The following ACSBG1 variants were observed in gnomAD, a reference collection of about 807,000 sequenced individuals.
ACSBG1 encodes the protein acyl-CoA synthetase bubblegum family member 1, also known as long-chain-fatty-acid--CoA ligase ACSBG1.
ACSBG1 carries 39 observed loss-of-function variants against 80.2 expected under a neutral mutation model. That is an observed-to-expected ratio of 0.49 (90% CI 0.38 to 0.64). ACSBG1 has a LOEUF of 0.64. Ranked by LOEUF, ACSBG1 falls within the 30% of genes least tolerant of loss-of-function variation. The pLI is 0.00. For synonymous variants in ACSBG1, 392 were observed against 379.5 expected (o/e 1.03, Z -0.38); for missense variants, 828 against 966.4 (o/e 0.86, Z 1.90).
chr15:78,234,439 G>A lies in ACSBG1; in HGVS notation c.63C>T (p.Ser21=). The A allele has an allele frequency of 1.2e-6, 2 of 1,613,152 alleles. No homozygotes were observed. Among genetic ancestry groups the A allele is most frequent in the African/African-American group, 1.3e-5 (1 of 75,050 alleles). Residue 21 remains serine (S), a synonymous_variant, in exon 1 of 14, where the codon AGC becomes AGT. Transcript: ENST00000258873. ...GCCGGCTCTCCTGTGGGGTCTCTCT[G>A]CTGTCCAGCATGCTGGGGTCCCCGT... ...CPHGDPSMLD[S]RETPQESRQD...
Position 78,182,621 on chromosome 15 carries a change from G to A in ACSBG1, c.745-6C>T, listed in dbSNP as rs775007573. The A allele has an allele frequency of 5.6e-6, 9 of 1,613,830 alleles. No homozygotes were observed. The highest frequency in any genetic ancestry group is 7.6e-6 in the Non-Finnish European group (9 of 1,179,878). On this transcript the variant is annotated splice_region_variant and splice_polypyrimidine_tract_variant and intron_variant, in intron 6 of 13. Coordinates refer to ENST00000258873, the MANE Select transcript of ACSBG1 (RefSeq NM_015162.5). The stretch of plus-strand genomic sequence containing the variant: ...AGCTCCATGAATTCCTCCATCTGTA[G>A]CCAGATGCAGGGAGCAGGCAGGCTA...
chr15:78,191,009 C>T (rs1417389702), intron 5 of ACSBG1, among the ~76,000 whole-genome samples: 1 of 152,132 alleles, frequency 6.6e-6, no homozygotes, highest in African/African-American at 2.4e-5. Flanking sequence ...TATGTGCTGT[C>T]TACAAGAAAC....
intron 5 of ACSBG1, among the ~76,000 whole-genome samples, chr15:78,187,531 A>G (rs1282571658): frequency 6.6e-6 from 1 of 152,256 alleles, no homozygotes; most frequent in Non-Finnish European, 1.5e-5. Context: ...TATGCAAATC[A>G]ATAAATGTAA....
rs2074879089 is a variant in ACSBG1 at position 78,176,019 on chromosome 15, A to G, written c.1703-1495T>C. Among the ~76,000 whole-genome samples, 5 of 152,166 alleles carry G rather than the reference A, an allele frequency of 3.3e-5. No individual in the cohort carries two copies. In the South Asian group the frequency reaches 1.0e-3, roughly 32 times the overall value. On this transcript the variant is annotated intron_variant, in intron 11 of 13. Transcript: ENST00000258873. ...GCTAGAAAGGAACTTCTTTAATCAGATAAGGAACATCTAAAAATTTTTACA... is the reference window on the plus strand; with the variant it reads ...GCTAGAAAGGAACTTCTTTAATCAGGTAAGGAACATCTAAAAATTTTTACA...
chr15:78,208,702 A>G (rs1232189960), intron 1 of ACSBG1, among the ~76,000 whole-genome samples: 1 of 152,130 alleles, frequency 6.6e-6, no homozygotes, highest in Non-Finnish European at 1.5e-5. Flanking sequence ...ACAGACATAG[A>G]CGGGTCCAGG....
rs781254268 is a variant in ACSBG1 at position 78,182,450 on chromosome 15, C to T, written c.894+16G>A. The T allele has an allele frequency of 1.6e-5, 26 of 1,613,244 alleles. No homozygotes were observed. Among genetic ancestry groups the T allele is most frequent in the South Asian group, 1.2e-4 (11 of 91,002 alleles). ...CCCCCTTGCACCCCCCCCACCCCAC[C>T]GGGCATCTGTCCTACATTGTCTTGA... is the stretch of plus-strand genomic sequence containing the variant. On this transcript the variant is annotated intron_variant, in intron 7 of 13. Transcript: ENST00000258873.
intron 1 of ACSBG1, among the ~76,000 whole-genome samples, chr15:78,217,273 G>C (rs2075320031): frequency 6.6e-6 from 1 of 152,184 alleles, no homozygotes; most frequent in Admixed American, 6.5e-5. Flanking sequence ...CTTCGTAACA[G>C]CCCAATGAGG....
intron 1 of ACSBG1, among the ~76,000 whole-genome samples, chr15:78,208,416 G>A (rs571705374): frequency 6.6e-6 from 1 of 152,190 alleles, no homozygotes; most frequent in Non-Finnish European, 1.5e-5. Flanking sequence ...CCTCTCTCGG[G>A]GTCTCAGCAC....
At chr15:78,184,312 A>T (rs974367532) in intron 5 of ACSBG1, among the ~76,000 whole-genome samples, 2 of 151,482 alleles carry the variant, frequency 1.3e-5, no homozygotes, top group Non-Finnish European at 2.9e-5. Flanking sequence ...CTGGGACTAC[A>T]TGTTCACACC....
At chr15:78,171,588 G>A (rs1029964026) in intron 13 of ACSBG1, 59 bp from the exon 14 acceptor site, 31 of 1,414,284 alleles carry the variant, frequency 2.2e-5, no homozygotes, top group Non-Finnish European at 3.0e-5. Context: ...CTGAGAATGT[G>A]TGTGGTAAAG....
intron 1 of ACSBG1, among the ~76,000 whole-genome samples, chr15:78,214,183 A>G (rs2075289947): frequency 6.6e-6 from 1 of 152,162 alleles, no homozygotes; most frequent in Non-Finnish European, 1.5e-5. Context: ...TACAGGGACT[A>G]GCCGGTCTGT....
chr15:78,221,735 T>C (rs2075361381), intron 1 of ACSBG1, among the ~76,000 whole-genome samples: 2 of 152,178 alleles, frequency 1.3e-5, no homozygotes, highest in Non-Finnish European at 2.9e-5. Context: ...CAGAGGTCCC[T>C]GCGGCTTTCT....
At chr15:78,224,491 A>G (rs7182690) in intron 1 of ACSBG1, among the ~76,000 whole-genome samples, 149,480 of 152,244 alleles carry the variant, frequency 0.98, 73,397 homozygotes, top group East Asian at 1. Flanking sequence ...AGGCCAAGGC[A>G]GGCAGATCAC....
intron 1 of ACSBG1, among the ~76,000 whole-genome samples, chr15:78,219,406 C>CAA (rs34636353): frequency 1.7e-5 from 2 of 119,708 alleles, no homozygotes; most frequent in East Asian, 2.8e-4. Context: ...GGCTTTGTCT[C>CAA]AAAAAAAAAA....
chr15:78,203,839 C>T (rs917550842), intron 2 of ACSBG1, among the ~76,000 whole-genome samples: 3 of 152,158 alleles, frequency 2.0e-5, no homozygotes, highest in Non-Finnish European at 4.4e-5. Flanking sequence ...GATCTCTCTC[C>T]GAGAACGGTC....
intron 1 of ACSBG1, among the ~76,000 whole-genome samples, chr15:78,208,683 A>G (rs947393360): frequency 6.6e-6 from 1 of 152,150 alleles, no homozygotes; most frequent in African/African-American, 2.4e-5. Context: ...TGTTCACTCC[A>G]TGGAGAAGAC....
chr15:78,208,037 G>C lies in ACSBG1; in HGVS notation c.197C>G (p.Pro66Arg), dbSNP rs2075232522. The C allele has an allele frequency of 1.2e-6, 2 of 1,612,338 alleles. No individual in the cohort carries two copies. Among genetic ancestry groups the C allele is most frequent in the East Asian group, 4.5e-5 (2 of 44,772 alleles). The change falls in exon 2 of 14, where the codon CCA (proline) becomes CGA (arginine). Residue 66 changes from proline to arginine, a missense_variant. Physicochemically the swap from Pro to Arg is moderately radical, Grantham distance 103 (BLOSUM62 -2). Coordinates refer to ENST00000258873, the MANE Select transcript of ACSBG1 (RefSeq NM_015162.5). ...CCACTGGGCATTATTCACCTTCTCTGGCACTGAGAGCTCGAGAGCATGGTT... is the reference window on the plus strand; with the variant it reads ...CCACTGGGCATTATTCACCTTCTCTCGCACTGAGAGCTCGAGAGCATGGTT... ...SLNHALELSVPEKVNNAQWDA... is the reference protein window; with the variant it reads ...SLNHALELSVREKVNNAQWDA...
chr15:78,193,467 C>A, intron 5 of ACSBG1, 39 bp downstream of exon 5: 1 of 1,579,304 alleles, frequency 6.3e-7, no homozygotes, highest in Non-Finnish European at 8.6e-7. Context: ...ATGGGGATAC[C>A]CAGCATCTGA....
chr15:78,178,625 C>A lies in ACSBG1; in HGVS notation c.1691G>T (p.Gly564Val). Residue 564 changes from glycine to valine, a missense_variant, in exon 11 of 14, where the codon GGG (glycine) becomes GTG (valine). Gly to Val is a moderately radical substitution (Grantham distance 109). Around this residue, in one of 3 missense-constraint regions of ACSBG1, gnomAD observed 201 missense variants for 227.0 expected, o/e 0.89. Transcript: ENST00000258873. The surrounding 1 kb of genome is among the most constrained non-coding windows in gnomAD (Gnocchi z 4.3). ...LDADGFLYIT[G>V]RLKELIITAG... ...CCTGGGGTGCTCACCTTTGAGGCGC[C>A]CAGTGATGTAGAGGAAGCCATCGGC... The A allele has an allele frequency of 6.2e-7, 1 of 1,611,492 alleles. No individual in the cohort carries two copies. Among genetic ancestry groups the A allele is most frequent in the Non-Finnish European group, 8.5e-7 (1 of 1,179,014 alleles).
Sources: gnomAD v4.1 joint callset for allele counts (sites outside exome capture counted in the v4.1 genomes callset) on GRCh38, gnomAD v4.1.1 for gene constraint, gnomAD v4.1.1 regional missense constraint, Gnocchi (gnomAD v3.1) non-coding constraint, MANE v1.5 for transcripts, NCBI Gene and HGNC (gene_info 2026-07-23, HGNC 2026-07-21) for gene names.